STAT1: variants seen among roughly 807,000 people sequenced by gnomAD.
The protein encoded by STAT1 is signal transducer and activator of transcription 1.
A neutral mutation model predicts 111.7 loss-of-function variants in STAT1; 24 were observed. The observed-to-expected ratio is 0.21, with a 90% CI of 0.16 to 0.30. STAT1 has a LOEUF of 0.30. STAT1 is among the 10% of genes least tolerant of loss of function. STAT1 has a pLI of 1.00. For missense variants in STAT1, 351 were observed against 911.9 expected (o/e 0.38, Z 7.92); for synonymous variants, 332 against 326.5 (o/e 1.02, Z -0.18).
In STAT1 at chr2:190,999,666, T is replaced by C. The variant is rs1167103580; in HGVS notation, c.501A>G (p.Gln167=). The C allele has an allele frequency of 1.9e-6, 3 of 1,613,992 alleles. No homozygotes were observed. The highest frequency in any genetic ancestry group is 1.7e-5 in the Admixed American group (1 of 60,016). The stretch of plus-strand genomic sequence containing the variant: ...TTTTGCATTTGAAGTCATATTCATC[T>C]TGTAAATCTTCCAGGCTCTTGATTT... ...EHEIKSLEDL[Q]DEYDFKCKTL... The change falls in exon 7 of 25, where the codon CAA becomes CAG. Residue 167 remains glutamine, a synonymous_variant. Transcript: ENST00000361099. The surrounding 1 kb of genome is among the most constrained non-coding windows in gnomAD (Gnocchi z 4.1).
chr2:191,009,935 A>G lies in STAT1; in HGVS notation c.69T>C (p.Asp23=), dbSNP rs1451122153. Residue 23 remains aspartate, a synonymous_variant, in exon 3 of 25, where the codon GAT becomes GAC. Transcript: ENST00000361099. Reference sequence around the variant, plus strand: ...GTCTGATTTCCATGGGAAAACTGTCATCATAAAGCTGGTGAACCTGCTCCA... The same window carrying G: ...GTCTGATTTCCATGGGAAAACTGTCGTCATAAAGCTGGTGAACCTGCTCCA... ...KFLEQVHQLY[D]DSFPMEIRQY... is the part of the protein sequence containing the mutation. The G allele has an allele frequency of 6.2e-7, 1 of 1,613,952 alleles. No individual in the cohort carries two copies. Among genetic ancestry groups the G allele is most frequent in the Non-Finnish European group, 8.5e-7 (1 of 1,179,944 alleles).
chr2:191,006,532 C>G lies in STAT1; in HGVS notation c.372+1031G>C, dbSNP rs1263109351. Among the ~76,000 whole-genome samples, 3 of 152,200 alleles carry G rather than the reference C, an allele frequency of 2.0e-5. No homozygotes were observed. The highest frequency in any genetic ancestry group is 7.2e-5 in the African/African-American group (3 of 41,448). ...GCATCCTCCACCACACCTAAACTCC[C>G]TCCCTCTCCACTGTCACACAGTTCA... On this transcript the variant is annotated intron_variant, in intron 5 of 24. Transcript: ENST00000361099. This position sits in a 1 kb window ranked among gnomAD's most constrained non-coding sequence, Gnocchi z 4.6.
rs1032126980 is a variant in STAT1, at chr2:191,006,744, C to T, written c.372+819G>A. 6.6e-6 allele frequency among the ~76,000 whole-genome samples: 1 copy of T among 152,234 alleles called. No individual in the cohort carries two copies. The highest frequency in any genetic ancestry group is 2.4e-5 in the African/African-American group (1 of 41,454). Reference sequence around the variant, plus strand: ...TAAATGCCATAGCAAATTCAAAACTCTGCTGAACCCTGACAACTAGGAAGG... The same window carrying T: ...TAAATGCCATAGCAAATTCAAAACTTTGCTGAACCCTGACAACTAGGAAGG... On this transcript the variant is annotated intron_variant, in intron 5 of 24. Coordinates refer to ENST00000361099, the MANE Select transcript of STAT1 (RefSeq NM_007315.4). This position sits in a 1 kb window ranked among gnomAD's most constrained non-coding sequence, Gnocchi z 4.6.
chr2:190,989,170 G>A lies in STAT1; in HGVS notation c.1097+445C>T, dbSNP rs946996361. 2.6e-5 allele frequency among the ~76,000 whole-genome samples: 4 copies of A among 152,190 alleles called. No homozygotes were observed. Among genetic ancestry groups the A allele is most frequent in the Admixed American group, 6.5e-5 (1 of 15,282 alleles). On this transcript the variant is annotated intron_variant, in intron 12 of 24. Transcript: ENST00000361099. The surrounding 1 kb of genome is among the most constrained non-coding windows in gnomAD (Gnocchi z 5.0). ...CATGGCAGCCTGGACGTTCAGCCTC[G>A]GGTTGGATCAGGGGCCTCTCCTTTG...
At position 190,971,175 on chromosome 2, in the gene STAT1, C is replaced by T. The variant is rs1411415133; in HGVS notation, c.2239-458G>A. 1.3e-5 allele frequency among the ~76,000 whole-genome samples: 2 copies of T among 152,190 alleles called. No homozygotes were observed. Among genetic ancestry groups the T allele is most frequent in the African/African-American group, 2.4e-5 (1 of 41,442 alleles). Reference sequence around the variant, plus strand: ...GGTACAGACTAAAGAAGCAGAATTACTAAGAACCCCTTCACCTTCCCCACC... The same window carrying T: ...GGTACAGACTAAAGAAGCAGAATTATTAAGAACCCCTTCACCTTCCCCACC... On this transcript the variant is annotated intron_variant, in intron 24 of 24. Transcript: ENST00000361099. This position sits in a 1 kb window ranked among gnomAD's most constrained non-coding sequence, Gnocchi z 4.1.
In STAT1 at chr2:190,973,249, A is replaced by G. The variant is rs57478729; in HGVS notation, c.2238+1581T>C. On this transcript the variant is annotated intron_variant, in intron 24 of 24. Coordinates refer to ENST00000361099, the MANE Select transcript of STAT1 (RefSeq NM_007315.4). The surrounding 1 kb of genome is among the most constrained non-coding windows in gnomAD (Gnocchi z 4.4). The stretch of plus-strand genomic sequence containing the variant: ...AGCTTTTTGTGGGAGGCTTTCCAGG[A>G]TACCGGACAAAAGCATGCACTAGAG... Among the ~76,000 whole-genome samples the G allele has an allele frequency of 0.026, 3,983 of 152,266 alleles. 210 individuals carry two copies. The highest frequency in any genetic ancestry group is 0.09 in the African/African-American group (3,739 of 41,524).
At chr2:191,010,131 ATATTT>A in intron 2 of STAT1, 127 bp from the exon 3 acceptor site, 1 of 1,169,184 alleles carries the variant, frequency 8.6e-7, no homozygotes, top group Non-Finnish European at 1.2e-6. Context: ...TGTCCCAGGA[ATATTT>A]TATTTAAATG....
chr2:190,975,597 T>C lies in STAT1; in HGVS notation c.2135+215A>G, dbSNP rs2124995622. The C allele has an allele frequency of 1.4e-6, 2 of 1,430,268 alleles. No individual in the cohort carries two copies. The highest frequency in any genetic ancestry group is 2.6e-4 in the Middle Eastern group (1 of 3,890). 88.6% of individuals were successfully genotyped at this position (1,430,268 alleles called of 1,614,324 possible). On this transcript the variant is annotated intron_variant, in intron 23 of 24. Coordinates refer to ENST00000361099, the MANE Select transcript of STAT1 (RefSeq NM_007315.4). The surrounding 1 kb of genome is among the most constrained non-coding windows in gnomAD (Gnocchi z 5.9). ...AGGGTATCAGTTTTGGGAAAATTTA[T>C]ATACCTTAAATACAAATTTGGTTTT...
rs928490902 is a variant in STAT1 at position 191,000,780 on chromosome 2, G to A, written c.462+294C>T. 6.6e-6 allele frequency among the ~76,000 whole-genome samples: 1 copy of A among 152,184 alleles called. No individual in the cohort carries two copies. Among genetic ancestry groups the A allele is most frequent in the Non-Finnish European group, 1.5e-5 (1 of 68,034 alleles). ...GTGTGGACATAAAGGCCCATTTAGAGCAGCAACATCTCATTTACTGGGTAC... is the reference window on the plus strand; with the variant it reads ...GTGTGGACATAAAGGCCCATTTAGAACAGCAACATCTCATTTACTGGGTAC... On this transcript the variant is annotated intron_variant, in intron 6 of 24. Coordinates refer to ENST00000361099, the MANE Select transcript of STAT1 (RefSeq NM_007315.4). This position sits in a 1 kb window ranked among gnomAD's most constrained non-coding sequence, Gnocchi z 4.8.
chr2:190,976,946 G>A lies in STAT1; in HGVS notation c.1953C>T (p.Tyr651=). 6.2e-7 allele frequency: 1 copy of A among 1,614,206 alleles called. No homozygotes were observed. Among genetic ancestry groups the A allele is most frequent in the Non-Finnish European group, 8.5e-7 (1 of 1,180,020 alleles). ...AVTFPDIIRN[Y]KVMAAENIPE... ...GAATATTCTCAGCAGCCATGACTTT[G>A]TAATTGCGAATGATGTCAGGGAAAG... The change falls in exon 22 of 25, where the codon TAC becomes TAT. Residue 651 remains tyrosine (Y), a synonymous_variant. Coordinates refer to ENST00000361099, the MANE Select transcript of STAT1 (RefSeq NM_007315.4). This position sits in a 1 kb window ranked among gnomAD's most constrained non-coding sequence, Gnocchi z 6.0.
At chr2:191,013,497 T>C (rs1695299403) in intron 2 of STAT1, 28 bp downstream of exon 2, 1 of 397,302 alleles carries the variant, frequency 2.5e-6, no homozygotes, top group South Asian at 1.4e-4. Flanking sequence ...ATGTACTCAT[T>C]CATCTGATTC....
Position 190,989,717 on chromosome 2 carries a change from G to GT in STAT1, c.1038-44dup. On this transcript the variant is annotated intron_variant, in intron 11 of 24. Transcript: ENST00000361099. This position sits in a 1 kb window ranked among gnomAD's most constrained non-coding sequence, Gnocchi z 5.0. ...AGCCATTACTTAAAAAAAATTATCT[G>GT]TTACAATTTATTTATTATGCCAATT... 2 of 1,412,550 alleles carry GT rather than the reference G, an allele frequency of 1.4e-6. No homozygotes were observed. Among genetic ancestry groups the GT allele is most frequent in the South Asian group, 1.2e-5 (1 of 82,284 alleles). The allele number at this position is 1,412,550 out of a possible 1,614,324, so 87.5% of individuals were successfully genotyped here. A position where few individuals can be genotyped will look rare whatever the true frequency, so the allele number is the denominator to read the frequency against.
At chr2:191,010,813 C>A in intron 2 of STAT1, among the ~76,000 whole-genome samples, 1 of 152,162 alleles carries the variant, frequency 6.6e-6, no homozygotes, top group Non-Finnish European at 1.5e-5. Flanking sequence ...TAAAGTAACA[C>A]TTAGCTTTTT....
At position 190,993,544 on chromosome 2, in the gene STAT1, C is replaced by A. The variant is rs1236726581; in HGVS notation, c.944+1517G>T. The A allele has an allele frequency of 1.2e-5, 8 of 667,384 alleles. No homozygotes were observed. The highest frequency in any genetic ancestry group is 2.2e-5 in the Non-Finnish European group (8 of 361,086). 41.3% of individuals were successfully genotyped at this position (667,384 alleles called of 1,614,324 possible). ...ATCAGAAGTAATTTGAATAAATAATCAATTTGGGATTCATGCTGGACATGT... is the reference window on the plus strand; with the variant it reads ...ATCAGAAGTAATTTGAATAAATAATAAATTTGGGATTCATGCTGGACATGT... On this transcript the variant is annotated intron_variant, in intron 10 of 24. Coordinates refer to ENST00000361099, the MANE Select transcript of STAT1 (RefSeq NM_007315.4). This position sits in a 1 kb window ranked among gnomAD's most constrained non-coding sequence, Gnocchi z 4.1.
chr2:190,970,275 C>G lies in STAT1; in HGVS notation c.*428G>C, dbSNP rs139958571. 5.1e-4 allele frequency: 119 copies of G among 233,198 alleles called. No individual in the cohort carries two copies. The highest frequency in any genetic ancestry group is 1.7e-3 in the Middle Eastern group (1 of 582). The allele number at this position is 233,198 out of a possible 1,614,324, so 14.4% of individuals were successfully genotyped here. ...GCAAAGAAAACATGTAAGAATTCTC[C>G]CACAGAAATTTACCGTTCCTACGTC... On this transcript the variant is annotated 3_prime_UTR_variant, in exon 25 of 25. Transcript: ENST00000361099. The surrounding 1 kb of genome is among the most constrained non-coding windows in gnomAD (Gnocchi z 5.4).
chr2:190,996,205 C>T lies in STAT1; in HGVS notation c.786-986G>A, dbSNP rs948636053. Reference sequence around the variant, plus strand: ...AACCCAGTGATTGCTCTTAGTCTTCCTTCCTTGCAGTCAACTGCTAACAGC... The same window carrying T: ...AACCCAGTGATTGCTCTTAGTCTTCTTTCCTTGCAGTCAACTGCTAACAGC... On this transcript the variant is annotated intron_variant, in intron 9 of 24. Transcript: ENST00000361099. This position sits in a 1 kb window ranked among gnomAD's most constrained non-coding sequence, Gnocchi z 4.5. Among the ~76,000 whole-genome samples the T allele has an allele frequency of 3.9e-5, 6 of 152,238 alleles. No homozygotes were observed. Among genetic ancestry groups the T allele is most frequent in the Admixed American group, 2.6e-4 (4 of 15,282 alleles).
In STAT1 at chr2:190,993,080, G is replaced by A. The variant is rs756564923; in HGVS notation, c.945-1760C>T. 8.1e-6 allele frequency: 3 copies of A among 371,068 alleles called. No individual in the cohort carries two copies. The highest frequency in any genetic ancestry group is 1.5e-5 in the Non-Finnish European group (3 of 194,630). 23.0% of individuals were successfully genotyped at this position (371,068 alleles called of 1,614,324 possible). On this transcript the variant is annotated intron_variant, in intron 10 of 24. Coordinates refer to ENST00000361099, the MANE Select transcript of STAT1 (RefSeq NM_007315.4). This position sits in a 1 kb window ranked among gnomAD's most constrained non-coding sequence, Gnocchi z 4.1. ...GCTGGGATTACAGGCATGAGCCACC[G>A]TGCCGGGCCTTGTTGCATTCCTAGC... is the stretch of plus-strand genomic sequence containing the variant.
chr2:190,976,001 T>A lies in STAT1; in HGVS notation c.2060-114A>T. The A allele has an allele frequency of 1.0e-6, 1 of 956,204 alleles. No homozygotes were observed. Among genetic ancestry groups the A allele is most frequent in the Non-Finnish European group, 1.6e-6 (1 of 606,756 alleles). 59.2% of individuals were successfully genotyped at this position (956,204 alleles called of 1,614,324 possible). A position where few individuals can be genotyped will look rare whatever the true frequency, so the allele number is the denominator to read the frequency against. ...TGTGTTTCTAGACAGCTTAGCCTCC[T>A]AAAACTTTAAGGAGCTATAACCTCC... On this transcript the variant is annotated intron_variant, in intron 22 of 24. Coordinates refer to ENST00000361099, the MANE Select transcript of STAT1 (RefSeq NM_007315.4). The surrounding 1 kb of genome is among the most constrained non-coding windows in gnomAD (Gnocchi z 6.0).
chr2:190,977,101 G>A lies in STAT1; in HGVS notation c.1874-76C>T. The stretch of plus-strand genomic sequence containing the variant: ...GAGGACAGAGAAATAAAACACTGCA[G>A]AGTTGATGGATTTGAGTGAACCTCA... On this transcript the variant is annotated intron_variant, in intron 21 of 24. Transcript: ENST00000361099. The surrounding 1 kb of genome is among the most constrained non-coding windows in gnomAD (Gnocchi z 4.7). The A allele has an allele frequency of 2.8e-6, 4 of 1,440,680 alleles. No homozygotes were observed. The highest frequency in any genetic ancestry group is 3.9e-6 in the Non-Finnish European group (4 of 1,025,516). The allele number at this position is 1,440,680 out of a possible 1,614,324, so 89.2% of individuals were successfully genotyped here. A position where few individuals can be genotyped will look rare whatever the true frequency, so the allele number is the denominator to read the frequency against.
Sources: allele counts gnomAD v4.1 joint callset (sites outside exome capture counted in the v4.1 genomes callset), GRCh38; gene constraint gnomAD v4.1.1; non-coding constraint Gnocchi (gnomAD v3.1); transcripts MANE v1.5; gene names NCBI Gene and HGNC (gene_info 2026-07-23, HGNC 2026-07-21).